Variants in SLC26A2 observed in about 807,000 individuals in gnomAD.
SLC26A2 encodes the protein sulfate transporter.
In SLC26A2, 36 loss-of-function variants were observed where a neutral mutation model predicts 41.1. The observed-to-expected ratio is 0.88, with a 90% CI of 0.67 to 1.16. The LOEUF is 1.16. SLC26A2 is among the 50% of genes most tolerant of loss of function. The pLI is 0.00. For synonymous variants in SLC26A2, 291 were observed against 311.6 expected (o/e 0.93, Z 0.70); for missense variants, 796 against 869.6 (o/e 0.92, Z 1.07).
chr5:149,966,663 C>T (rs1754810390), intron 1 of SLC26A2, among the ~76,000 whole-genome samples: 1 of 151,728 alleles, frequency 6.6e-6, no homozygotes, highest in Admixed American at 6.6e-5. Flanking sequence ...TCTGGAAATC[C>T]AAATTGCTCC....
chr5:149,966,730 A>T (rs552537276), intron 1 of SLC26A2, among the ~76,000 whole-genome samples: 1 of 152,172 alleles, frequency 6.6e-6, no homozygotes, highest in Admixed American at 6.5e-5. Context: ...ATTTTGGTGC[A>T]TTTTTGATTT....
chr5:149,967,513 G>T (rs1754825176), intron 1 of SLC26A2, among the ~76,000 whole-genome samples: 1 of 152,132 alleles, frequency 6.6e-6, no homozygotes. Context: ...AAATGAACTT[G>T]AGGACTGATT....
Position 149,980,540 on chromosome 5 carries a change from T to C in SLC26A2, c.947T>C (p.Leu316Ser). 6.2e-7 allele frequency: 1 copy of C among 1,614,224 alleles called. No homozygotes were observed. The highest frequency in any genetic ancestry group is 1.1e-5 in the South Asian group (1 of 91,088). ...ITSLLCLLVL[L>S]PTKELNEHFK... ...AGCCTTTTGTGCCTTTTGGTTCTTT[T>C]GCCAACCAAAGAACTCAATGAACAC... is the stretch of plus-strand genomic sequence containing the variant. The change falls in exon 3 of 3, where the codon TTG (leucine) becomes TCG (serine). Residue 316 changes from leucine to serine, a missense_variant. Coordinates refer to ENST00000286298, the MANE Select transcript of SLC26A2 (RefSeq NM_000112.4).
intron 1 of SLC26A2, among the ~76,000 whole-genome samples, chr5:149,964,246 A>G (rs1367066053): frequency 1.3e-5 from 2 of 152,068 alleles, no homozygotes; most frequent in African/African-American, 2.4e-5. Flanking sequence ...AATCCCAGCA[A>G]TTTGGGAGGC....
At chr5:149,979,324 G>A (rs1282678296) in intron 2 of SLC26A2, among the ~76,000 whole-genome samples, 1 of 152,114 alleles carries the variant, frequency 6.6e-6, no homozygotes, top group African/African-American at 2.4e-5. Flanking sequence ...ACTTTAGTTG[G>A]TGCTCAGATG....
intron 1 of SLC26A2, among the ~76,000 whole-genome samples, chr5:149,968,933 G>A (rs1210553104): frequency 6.6e-6 from 1 of 151,266 alleles, no homozygotes; most frequent in Non-Finnish European, 1.5e-5. Context: ...GTAGAGACAG[G>A]GTTTTGCCAT....
chr5:149,964,635 G>A (rs974109247), intron 1 of SLC26A2, among the ~76,000 whole-genome samples: 3 of 151,972 alleles, frequency 2.0e-5, no homozygotes, highest in Non-Finnish European at 4.4e-5. Flanking sequence ...AAATTAGCCA[G>A]GTGTGGTGGC....
At chr5:149,979,068 C>A (rs1396966393) in intron 2 of SLC26A2, among the ~76,000 whole-genome samples, 1 of 151,950 alleles carries the variant, frequency 6.6e-6, no homozygotes, top group Non-Finnish European at 1.5e-5. Context: ...ATCTATTGAG[C>A]AACTCTTACT....
chr5:149,977,206 A>G (rs989575171), intron 1 of SLC26A2, among the ~76,000 whole-genome samples: 1 of 152,224 alleles, frequency 6.6e-6, no homozygotes, highest in Admixed American at 6.5e-5. Context: ...CATTAAGGTT[A>G]AGGTAGGGGT....
intron 1 of SLC26A2, among the ~76,000 whole-genome samples, chr5:149,967,963 T>C (rs929553225): frequency 2.6e-5 from 4 of 151,648 alleles, no homozygotes; most frequent in African/African-American, 9.7e-5. Context: ...ATACAATACT[T>C]GTCCTTTTGT....
At chr5:149,969,425 G>C (rs566713991) in intron 1 of SLC26A2, among the ~76,000 whole-genome samples, 1 of 152,052 alleles carries the variant, frequency 6.6e-6, no homozygotes, top group Non-Finnish European at 1.5e-5. Flanking sequence ...ACACCATCTG[G>C]ACATATTATA....
At chr5:149,970,958 G>A (rs1293642827) in intron 1 of SLC26A2, among the ~76,000 whole-genome samples, 3 of 152,186 alleles carry the variant, frequency 2.0e-5, no homozygotes, top group African/African-American at 7.2e-5. Flanking sequence ...TAAAATATGT[G>A]TGTAATTTAA....
rs748570555 is a variant in SLC26A2, at chr5:149,977,774, A to T, written c.122A>T (p.Gln41Leu). ...AGGGAATCAAGTACTGACTTCAAGC[A>T]ATTTGAGACCAATGATCAATGCAGA... ...LQRESSTDFK[Q>L]FETNDQCRPY... The change falls in exon 2 of 3, where the codon CAA becomes CTA. Residue 41 changes from glutamine to leucine, a missense_variant. Gln to Leu is a moderately radical substitution (Grantham distance 113). Coordinates refer to ENST00000286298, the MANE Select transcript of SLC26A2 (RefSeq NM_000112.4). 2 of 1,613,920 alleles carry T rather than the reference A, an allele frequency of 1.2e-6. No homozygotes were observed. Among genetic ancestry groups the T allele is most frequent in the Non-Finnish European group, 1.7e-6 (2 of 1,179,892 alleles).
Position 149,978,235 on chromosome 5 carries a change from G to C in SLC26A2, c.583G>C (p.Gly195Arg), listed in dbSNP as rs1271577788. The change falls in exon 2 of 3, where the codon GGA (glycine) becomes CGA (arginine). Residue 195 changes from glycine (G) to arginine (R), a missense_variant. Physicochemically the swap from Gly to Arg is moderately radical, Grantham distance 125. Transcript: ENST00000286298. ...YDNAHSAPSL[G>R]MVSNGSTLLN... ...CAATGCCCATAGTGCTCCTTCCTTAGGAATGGTTTCAAATGGGAGCACATT... is the reference window on the plus strand; with the variant it reads ...CAATGCCCATAGTGCTCCTTCCTTACGAATGGTTTCAAATGGGAGCACATT... 1 of 1,614,050 alleles carries C rather than the reference G, an allele frequency of 6.2e-7. No individual in the cohort carries two copies. Among genetic ancestry groups the C allele is most frequent in the South Asian group, 1.1e-5 (1 of 91,070 alleles).
At position 149,981,639 on chromosome 5, in the gene SLC26A2, G is replaced by T. The variant is rs116657359; in HGVS notation, c.2046G>T (p.Leu682=). 1 of 1,613,972 alleles carries T rather than the reference G, an allele frequency of 6.2e-7. No individual in the cohort carries two copies. The highest frequency in any genetic ancestry group is 1.3e-5 in the African/African-American group (1 of 74,932). Residue 682 remains leucine (L), a synonymous_variant, in exon 3 of 3, where the codon CTG becomes CTT. Coordinates refer to ENST00000286298, the MANE Select transcript of SLC26A2 (RefSeq NM_000112.4). The part of the protein sequence containing the change: ...RDYEAIGIQV[L]LAQCNPTVRD... ...ATGAAGCCATTGGAATCCAGGTTCT[G>T]CTGGCTCAGTGCAATCCCACTGTGA...
rs1554095446 is a variant in SLC26A2, at chr5:149,981,806, G to A, written c.2213G>A (p.Ser738Asn). 1 of 1,607,796 alleles carries A rather than the reference G, an allele frequency of 6.2e-7. No individual in the cohort carries two copies. The change falls in exon 3 of 3, where the codon AGT becomes AAT. Residue 738 changes from serine (S) to asparagine (N), a missense_variant. Ser to Asn is a conservative substitution (Grantham distance 46). Coordinates refer to ENST00000286298, the MANE Select transcript of SLC26A2 (RefSeq NM_000112.4). ...VCVPNGLSLS[S>N]D is the part of the protein sequence containing the mutation. ...GTTCCCAATGGTCTGAGTCTTAGTA[G>A]TGATTAATTGAGAAGGTAGATAGAA...
At position 149,977,621 on chromosome 5, in the gene SLC26A2, G is replaced by A. The variant is rs753776747; in HGVS notation, c.-25-7G>A. On this transcript the variant is annotated splice_polypyrimidine_tract_variant and splice_region_variant and intron_variant, in intron 1 of 2. Transcript: ENST00000286298. Reference sequence around the variant, plus strand: ...ATTGATGAACACTGGTATTTTCTCTGGTGTAGGAAGCTGAACCATCTATCT... The same window carrying A: ...ATTGATGAACACTGGTATTTTCTCTAGTGTAGGAAGCTGAACCATCTATCT... The A allele has an allele frequency of 2.2e-6, 3 of 1,374,908 alleles. No individual in the cohort carries two copies. The highest frequency in any genetic ancestry group is 3.1e-6 in the Non-Finnish European group (3 of 962,712). 85.2% of individuals were successfully genotyped at this position (1,374,908 alleles called of 1,614,324 possible).
Position 149,987,386 on chromosome 5 carries a change from G to A in SLC26A2, c.*5573G>A, listed in dbSNP as rs1755216778. ...CATTTGTTTTGTCTGCTAATAAATT[G>A]TTACTCTAATAATACATTACTCTGT... is the stretch of plus-strand genomic sequence containing the variant. On this transcript the variant is annotated 3_prime_UTR_variant, in exon 3 of 3. Transcript: ENST00000286298. The A allele has an allele frequency of 6.6e-6, 1 of 152,200 alleles. No individual in the cohort carries two copies. The highest frequency in any genetic ancestry group is 2.1e-4 in the South Asian group (1 of 4,832). 9.4% of individuals were successfully genotyped at this position (152,200 alleles called of 1,614,324 possible). A position where few individuals can be genotyped will look rare whatever the true frequency, so the allele number is the denominator to read the frequency against.
rs1755165879 is a variant in SLC26A2 at position 149,984,729 on chromosome 5, C to G, written c.*2916C>G. 1.3e-5 allele frequency: 2 copies of G among 152,194 alleles called. No individual in the cohort carries two copies. Among genetic ancestry groups the G allele is most frequent in the African/African-American group, 2.4e-5 (1 of 41,464 alleles). The allele number at this position is 152,194 out of a possible 1,614,324, so 9.4% of individuals were successfully genotyped here. On this transcript the variant is annotated 3_prime_UTR_variant, in exon 3 of 3. Coordinates refer to ENST00000286298, the MANE Select transcript of SLC26A2 (RefSeq NM_000112.4). ...AAGGATAGGACTTTAGTTCTTTAAG[C>G]ATTATTTTAAACACTATATTGATAC...
Sources: gnomAD v4.1 joint callset for allele counts (sites outside exome capture counted in the v4.1 genomes callset) on GRCh38, gnomAD v4.1.1 for gene constraint, MANE v1.5 for transcripts, NCBI Gene and HGNC (gene_info 2026-07-23, HGNC 2026-07-21) for gene names.